RASGEF1B: variants seen among roughly 807,000 people sequenced by gnomAD.
RASGEF1B encodes RasGEF domain family member 1B, also known as ras-GEF domain-containing family member 1B.
Under a neutral mutation model 65.7 loss-of-function variants are expected in RASGEF1B, and 30 were observed. The observed-to-expected ratio is 0.46, with a 90% CI of 0.34 to 0.62. The LOEUF is 0.62. RASGEF1B is among the 20% of genes least tolerant of loss of function. The pLI is 0.01. For synonymous variants in RASGEF1B, 175 were observed against 194.8 expected (o/e 0.90, Z 0.85); for missense variants, 495 against 580.1 (o/e 0.85, Z 1.51).
intron 1 of RASGEF1B, among the ~76,000 whole-genome samples, chr4:81,466,758 CAAAA>C (rs748152922): frequency 6.2e-4 from 36 of 57,618 alleles, no homozygotes; most frequent in Non-Finnish European, 9.5e-4. Flanking sequence ...GCCTCCATGT[CAAAA>C]AAAAAAAAAA....
chr4:81,435,328 G>C (rs985759806), intron 10 of RASGEF1B, among the ~76,000 whole-genome samples: 1 of 149,048 alleles, frequency 6.7e-6, no homozygotes, highest in Non-Finnish European at 1.5e-5. Context: ...GGAGAATGGC[G>C]TGAACCCGGG....
In RASGEF1B at chr4:81,433,688, A is replaced by T; in HGVS notation, c.1324+152T>A. 7.1e-6 allele frequency: 5 copies of T among 701,212 alleles called. No homozygotes were observed. In the South Asian group the frequency reaches 1.3e-4, roughly 19 times the overall value. The allele number at this position is 701,212 out of a possible 1,614,324, so 43.4% of individuals were successfully genotyped here. A position where few individuals can be genotyped will look rare whatever the true frequency, so the allele number is the denominator to read the frequency against. Reference sequence around the variant, plus strand: ...TTAAGTGCAAATATTTTAGGGACAAATCATACATTTTCTGTGAAACAGAAA... The same window carrying T: ...TTAAGTGCAAATATTTTAGGGACAATTCATACATTTTCTGTGAAACAGAAA... On this transcript the variant is annotated intron_variant, in intron 12 of 13. Coordinates refer to ENST00000264400, the MANE Select transcript of RASGEF1B (RefSeq NM_152545.3).
rs888647258 is a variant in RASGEF1B, at chr4:81,442,470, C to G, written c.929-94G>C. The G allele has an allele frequency of 4.1e-6, 3 of 739,266 alleles. No individual in the cohort carries two copies. The South Asian group carries it at 4.7e-5, about 12-fold the overall frequency. 45.8% of individuals were successfully genotyped at this position (739,266 alleles called of 1,614,324 possible). A position where few individuals can be genotyped will look rare whatever the true frequency, so the allele number is the denominator to read the frequency against. On this transcript the variant is annotated intron_variant, in intron 8 of 13. Coordinates refer to ENST00000264400, the MANE Select transcript of RASGEF1B (RefSeq NM_152545.3). Reference sequence around the variant, plus strand: ...ACATACTTCTAAAATACTTTCATTACTAAGTGAGAATTCTAAAATTAGTAA... The same window carrying G: ...ACATACTTCTAAAATACTTTCATTAGTAAGTGAGAATTCTAAAATTAGTAA...
At chr4:81,431,141 T>A (rs903056514) in intron 13 of RASGEF1B, among the ~76,000 whole-genome samples, 1 of 151,880 alleles carries the variant, frequency 6.6e-6, no homozygotes, top group African/African-American at 2.4e-5. Context: ...GTTTTGCACA[T>A]GAATAATACT....
Position 81,448,279 on chromosome 4 carries a change from T to C in RASGEF1B, c.444A>G (p.Thr148=). The change falls in exon 5 of 14, where the codon ACA becomes ACG. Residue 148 remains threonine (T), a synonymous_variant. Transcript: ENST00000264400. ...AHRIASGEEQ[T]YRKNVQQMMQ... ...TCATTTGCTGGACATTCTTTCTGTA[T>C]GTCTGCTAGGGAATAAGCGAAGAAT... is the stretch of plus-strand genomic sequence containing the variant. 1.2e-6 allele frequency: 2 copies of C among 1,612,180 alleles called. No homozygotes were observed. Among genetic ancestry groups the C allele is most frequent in the Non-Finnish European group, 1.7e-6 (2 of 1,179,670 alleles).
chr4:81,461,404 G>C (rs1358578354), intron 1 of RASGEF1B, among the ~76,000 whole-genome samples: 2 of 152,234 alleles, frequency 1.3e-5, no homozygotes, highest in Non-Finnish European at 2.9e-5. Flanking sequence ...CATGCAGCAT[G>C]AGGAGTGTCA....
At chr4:81,455,940 A>G (rs565539677) in intron 4 of RASGEF1B, 1 of 152,522 alleles carries the variant, frequency 6.6e-6, no homozygotes, top group East Asian at 1.9e-4. Flanking sequence ...CTCAGCTTCT[A>G]TCCAGGAAGG....
intron 4 of RASGEF1B, among the ~76,000 whole-genome samples, chr4:81,450,468 C>A (rs935587459): frequency 2.6e-5 from 4 of 152,150 alleles, no homozygotes; most frequent in Non-Finnish European, 5.9e-5. Context: ...CAGGTTCAAG[C>A]GATTCTCGTG....
chr4:81,464,191 GC>G (rs1722733872), intron 1 of RASGEF1B, among the ~76,000 whole-genome samples: 1 of 152,086 alleles, frequency 6.6e-6, no homozygotes, highest in Non-Finnish European at 1.5e-5. Flanking sequence ...CTCAGAACCA[GC>G]CTCTCCACTG....
chr4:81,464,391 G>GA (rs548968523), intron 1 of RASGEF1B, among the ~76,000 whole-genome samples: 226 of 152,106 alleles, frequency 1.5e-3, no homozygotes, highest in African/African-American at 5.2e-3. Context: ...AATTCCTTCA[G>GA]AAAAAAAGAG....
intron 4 of RASGEF1B, among the ~76,000 whole-genome samples, chr4:81,450,014 T>C (rs893610997): frequency 3.9e-5 from 6 of 152,228 alleles, no homozygotes; most frequent in African/African-American, 1.4e-4. Flanking sequence ...GAAACATCTA[T>C]GTATTTAAAA....
At chr4:81,439,988 G>A (rs376603976) in intron 10 of RASGEF1B, among the ~76,000 whole-genome samples, 4 of 152,152 alleles carry the variant, frequency 2.6e-5, no homozygotes, top group East Asian at 1.9e-4. Context: ...CATTGAGGCC[G>A]AACCTTTTTC....
chr4:81,429,101 C>T (rs371289797), intron 13 of RASGEF1B, among the ~76,000 whole-genome samples: 4 of 152,276 alleles, frequency 2.6e-5, no homozygotes, highest in African/African-American at 7.2e-5. Flanking sequence ...CCTCAAGGGG[C>T]TTACATAGCA....
intron 8 of RASGEF1B, among the ~76,000 whole-genome samples, chr4:81,443,908 C>A (rs909770777): frequency 1.3e-5 from 2 of 152,152 alleles, no homozygotes; most frequent in Admixed American, 6.5e-5. Flanking sequence ...ACAATAAGAG[C>A]CCCACTTGTT....
In RASGEF1B at chr4:81,426,981, CAAAAAAAAAAAAAAAAAAAA is replaced by C. The variant is rs546907988; in HGVS notation, c.*767_*786del. On this transcript the variant is annotated 3_prime_UTR_variant, in exon 14 of 14. Transcript: ENST00000264400. Reference sequence around the variant, plus strand: ...GTCAGTTGTAAACAGCTCAGAAGAGCAAAAAAAAAAAAAAAAAAAAAAAAAAAAAGTCCTTCTAGCATGTT... The same window carrying C: ...GTCAGTTGTAAACAGCTCAGAAGAGCAAAAAAAAAGTCCTTCTAGCATGTT... 1 of 34,248 alleles carries C rather than the reference CAAAAAAAAAAAAAAAAAAAA, an allele frequency of 2.9e-5. No individual in the cohort carries two copies. Among genetic ancestry groups the C allele is most frequent in the Non-Finnish European group, 5.7e-5 (1 of 17,688 alleles). 2.1% of individuals were successfully genotyped at this position (34,248 alleles called of 1,614,324 possible).
chr4:81,455,157 C>T (rs1212374909), intron 4 of RASGEF1B: 1 of 152,198 alleles, frequency 6.6e-6, no homozygotes, highest in African/African-American at 2.4e-5. Flanking sequence ...AAAATTGCGG[C>T]TGGGTGCAGT....
intron 1 of RASGEF1B, among the ~76,000 whole-genome samples, chr4:81,462,971 T>G (rs1020485284): frequency 1.3e-5 from 2 of 152,284 alleles, no homozygotes; most frequent in East Asian, 1.9e-4. Flanking sequence ...GGGTTAGACA[T>G]GGAGTAAGGG....
rs540618208 is a variant in RASGEF1B at position 81,454,717 on chromosome 4, G to A, written c.438+1934C>T. The A allele has an allele frequency of 8.5e-5, 13 of 152,310 alleles. No homozygotes were observed. In the South Asian group the frequency reaches 1.5e-3, roughly 17 times the overall value. 9.4% of individuals were successfully genotyped at this position (152,310 alleles called of 1,614,324 possible). A position where few individuals can be genotyped will look rare whatever the true frequency, so the allele number is the denominator to read the frequency against. ...TTATAACCGTCATAACTTGCACAGT[G>A]ACTCAGGAAATGACTCATTCGGCCC... On this transcript the variant is annotated intron_variant, in intron 4 of 13. Coordinates refer to ENST00000264400, the MANE Select transcript of RASGEF1B (RefSeq NM_152545.3).
chr4:81,440,151 T>C (rs1667166513), intron 10 of RASGEF1B, among the ~76,000 whole-genome samples: 1 of 152,184 alleles, frequency 6.6e-6, no homozygotes, highest in South Asian at 2.1e-4. Context: ...AACTAAGTAT[T>C]CACCTCTCAA....
Sources: gnomAD v4.1 joint callset for allele counts (sites outside exome capture counted in the v4.1 genomes callset) on GRCh38, gnomAD v4.1.1 for gene constraint, MANE v1.5 for transcripts, NCBI Gene and HGNC (gene_info 2026-07-23, HGNC 2026-07-21) for gene names.